Variants in PLB1 observed in about 807,000 individuals in gnomAD.
PLB1 encodes phospholipase B1.
In PLB1, 242 loss-of-function variants were observed where a neutral mutation model predicts 227.4. The observed-to-expected ratio is 1.06, with a 90% CI of 0.96 to 1.18. PLB1 has a LOEUF of 1.18. Ranked by LOEUF, PLB1 falls within the 50% of genes most tolerant of loss-of-function variation. The pLI, the probability that PLB1 is intolerant of heterozygous loss-of-function variation, is 0.00. For missense variants in PLB1, 1,858 were observed against 1,816.3 expected (o/e 1.02, Z -0.42); for synonymous variants, 757 against 682.2 (o/e 1.11, Z -1.71).
chr2:28,574,462 A>G (rs984308718), intron 21 of PLB1, among the ~76,000 whole-genome samples: 3 of 144,262 alleles, frequency 2.1e-5, no homozygotes, highest in African/African-American at 7.8e-5. Flanking sequence ...AGCTCACTGC[A>G]ACCTCCACCT....
intron 6 of PLB1, among the ~76,000 whole-genome samples, chr2:28,528,167 C>T (rs1572766587): frequency 6.6e-6 from 1 of 152,220 alleles, no homozygotes; most frequent in Non-Finnish European, 1.5e-5. Context: ...CCAGCTCTCC[C>T]ACCCGCACCC....
At position 28,582,112 on chromosome 2, in the gene PLB1, C is replaced by T; in HGVS notation, c.1611C>T (p.Ala537=). ...ACTTCACAGACAACATTGGAAAGGC[C>T]CTGGACATCCTCCATGCTGAGGTAC... is the stretch of plus-strand genomic sequence containing the variant. ...PQNFTDNIGK[A]LDILHAEVPR... The change falls in exon 24 of 58, where the codon GCC becomes GCT. Residue 537 remains alanine, a synonymous_variant. Coordinates refer to ENST00000327757, the MANE Select transcript of PLB1 (RefSeq NM_153021.5). 1.2e-6 allele frequency: 2 copies of T among 1,614,004 alleles called. No individual in the cohort carries two copies. The highest frequency in any genetic ancestry group is 1.1e-5 in the South Asian group (1 of 91,074).
chr2:28,582,448 T>A lies in PLB1; in HGVS notation c.1676T>A (p.Val559Asp). The change falls in exon 25 of 58, where the codon GTC (valine) becomes GAC (aspartate). Residue 559 changes from valine to aspartate, a missense_variant. Transcript: ENST00000327757. Reference sequence around the variant, plus strand: ...AACCTGGTGACGGTGCTTGAGATCGTCAACCTGAGGGAGCTGTACCAGGAG... The same window carrying A: ...AACCTGGTGACGGTGCTTGAGATCGACAACCTGAGGGAGCTGTACCAGGAG... ...FVNLVTVLEI[V>D]NLRELYQEKK... is the part of the protein sequence containing the mutation. 1.2e-6 allele frequency: 2 copies of A among 1,613,356 alleles called. No individual in the cohort carries two copies. The highest frequency in any genetic ancestry group is 1.7e-6 in the Non-Finnish European group (2 of 1,179,708).
In PLB1 at chr2:28,529,542, C is replaced by T. The variant is rs528923145; in HGVS notation, c.416+135C>T. ...GTATTTAAGTCAAAGCCCAAATGCC[C>T]CCTCAAGCTGATTTCAGGCTGCCTG... On this transcript the variant is annotated intron_variant, in intron 7 of 57. Transcript: ENST00000327757. 2.6e-5 allele frequency: 24 copies of T among 939,948 alleles called. No individual in the cohort carries two copies. In the African/African-American group the frequency reaches 3.0e-4, roughly 12 times the overall value. 58.2% of individuals were successfully genotyped at this position (939,948 alleles called of 1,614,324 possible).
intron 33 of PLB1, chr2:28,593,961 T>TTTTTTTTTTA: frequency 1.4e-6 from 1 of 739,554 alleles, no homozygotes; most frequent in Non-Finnish European, 2.5e-6. Flanking sequence ...TTTTTTTTTT[T>TTTTTTTTTTA]GATTGTGCAG....
chr2:28,612,437 C>T (rs533818504), intron 43 of PLB1, among the ~76,000 whole-genome samples: 9 of 152,262 alleles, frequency 5.9e-5, no homozygotes, highest in African/African-American at 2.2e-4. Flanking sequence ...ATCACTTGTT[C>T]CCTAACCTGG....
intron 1 of PLB1, among the ~76,000 whole-genome samples, chr2:28,510,598 TG>T (rs1280301892): frequency 2.1e-5 from 3 of 144,942 alleles, no homozygotes; most frequent in African/African-American, 2.6e-5. Flanking sequence ...TACTCCTGAT[TG>T]TTTTTTCTTT....
At chr2:28,619,883 T>C (rs947290805) in intron 46 of PLB1, among the ~76,000 whole-genome samples, 1 of 151,902 alleles carries the variant, frequency 6.6e-6, no homozygotes, top group African/African-American at 2.4e-5. Context: ...AGGGCTGGGG[T>C]TGGGGAACAT....
chr2:28,617,520 A>T (rs909763875), intron 44 of PLB1, among the ~76,000 whole-genome samples: 1 of 152,226 alleles, frequency 6.6e-6, no homozygotes, highest in Admixed American at 6.5e-5. Flanking sequence ...TGGGTTGTGC[A>T]TAGGGGTAGC....
rs561725978 is a variant in PLB1 at position 28,591,296 on chromosome 2, C to T, written c.2127+125C>T. On this transcript the variant is annotated intron_variant, in intron 30 of 57. Transcript: ENST00000327757. ...GTTCTAGATGGGCATAAAGGCCACC[C>T]ACCTGACCTTCAGATGGGGTAGTGG... 1.3e-5 allele frequency: 15 copies of T among 1,187,668 alleles called. 1 individual carries two copies. In the South Asian group the frequency reaches 1.7e-4, roughly 14 times the overall value. The allele number at this position is 1,187,668 out of a possible 1,614,324, so 73.6% of individuals were successfully genotyped here.
Position 28,581,487 on chromosome 2 carries a change from AAATAAATAAATAAAT to A in PLB1, c.1567-578_1567-564del, listed in dbSNP as rs1260682036. ...AGTAGATCCAGAGCTCCACGCAAAA[AAATAAATAAATAAAT>A]AAATAAATAAATAAATAAATAAATA... On this transcript the variant is annotated intron_variant, in intron 23 of 57. Coordinates refer to ENST00000327757, the MANE Select transcript of PLB1 (RefSeq NM_153021.5). Among the ~76,000 whole-genome samples, 16 of 37,604 alleles carry A rather than the reference AAATAAATAAATAAAT, an allele frequency of 4.3e-4. 1 individual carries two copies. Among genetic ancestry groups the A allele is most frequent in the South Asian group, 2.6e-3 (4 of 1,534 alleles). The allele number at this position is 37,604 out of a possible 152,430, so 24.7% of individuals were successfully genotyped here.
At chr2:28,599,304 C>T (rs962511629) in intron 35 of PLB1, among the ~76,000 whole-genome samples, 9 of 152,240 alleles carry the variant, frequency 5.9e-5, no homozygotes, top group East Asian at 1.9e-4. Context: ...GGGGCCCCCA[C>T]CCTGCTCCTA....
In PLB1 at chr2:28,570,081, C is replaced by T. The variant is rs753225346; in HGVS notation, c.1325-3116C>T. 9.2e-5 allele frequency among the ~76,000 whole-genome samples: 14 copies of T among 152,154 alleles called. No homozygotes were observed. In the South Asian group the frequency reaches 1.2e-3, roughly 14 times the overall value. Reference sequence around the variant, plus strand: ...AAAAAGCCCAGACTGTCTCTGACTTCGCTGGTGAATTCTATCAAACATTAG... The same window carrying T: ...AAAAAGCCCAGACTGTCTCTGACTTTGCTGGTGAATTCTATCAAACATTAG... On this transcript the variant is annotated intron_variant, in intron 20 of 57. Transcript: ENST00000327757.
chr2:28,618,266 C>A, intron 45 of PLB1, 75 bp from the exon 46 acceptor site: 1 of 1,342,440 alleles, frequency 7.4e-7, no homozygotes, highest in Non-Finnish European at 1.1e-6. Flanking sequence ...GAGTTATAGA[C>A]TTCTGGTAAA....
chr2:28,582,226 A>C lies in PLB1; in HGVS notation c.1632+93A>C, dbSNP rs1573152617. 7 of 1,437,468 alleles carry C rather than the reference A, an allele frequency of 4.9e-6. No individual in the cohort carries two copies. In the East Asian group the frequency reaches 1.6e-4, roughly 33 times the overall value. 89.0% of individuals were successfully genotyped at this position (1,437,468 alleles called of 1,614,324 possible). A position where few individuals can be genotyped will look rare whatever the true frequency, so the allele number is the denominator to read the frequency against. On this transcript the variant is annotated intron_variant, in intron 24 of 57. Transcript: ENST00000327757. ...CCTGCTGAGACCTCCTTGGCAGGTC[A>C]CCTTTGTTGTGGATCCCAGCCCAAA...
chr2:28,631,588 C>T (rs35972722), intron 54 of PLB1, among the ~76,000 whole-genome samples: 8,868 of 152,318 alleles, frequency 0.058, 360 homozygotes, highest in Non-Finnish European at 0.091. Flanking sequence ...ACTCTCCTCC[C>T]GCAAAGTTCA....
intron 50 of PLB1, 35 bp downstream of exon 50, chr2:28,625,143 GC>G: frequency 1.3e-6 from 2 of 1,591,832 alleles, no homozygotes; most frequent in South Asian, 1.1e-5. Flanking sequence ...CCTGAAAGGT[GC>G]CCATCTCCTG....
chr2:28,618,474 A>G, intron 46 of PLB1, 75 bp downstream of exon 46: 1 of 1,470,972 alleles, frequency 6.8e-7, no homozygotes, highest in Middle Eastern at 1.7e-4. Context: ...GTGCTTCCCC[A>G]GCATTGGCTC....
chr2:28,523,437 G>A (rs1333344558), intron 4 of PLB1, among the ~76,000 whole-genome samples: 1 of 145,784 alleles, frequency 6.9e-6, no homozygotes, highest in African/African-American at 2.5e-5. Flanking sequence ...GGTAGAGCCT[G>A]TGTCTTACTT....
Sources: allele counts gnomAD v4.1 joint callset (sites outside exome capture counted in the v4.1 genomes callset), GRCh38; gene constraint gnomAD v4.1.1; transcripts MANE v1.5; gene names NCBI Gene and HGNC (gene_info 2026-07-23, HGNC 2026-07-21).